Variants in RGS6 observed in about 807,000 individuals in gnomAD.
RGS6 encodes regulator of G protein signaling 6.
Under a neutral mutation model 78.5 loss-of-function variants are expected in RGS6, and 30 were observed. That is an observed-to-expected ratio of 0.38 (90% CI 0.29 to 0.52). The LOEUF is 0.52. Among genes scored for constraint, RGS6 ranks in the 20% least tolerant of loss-of-function variants. The pLI is 0.85. For synonymous variants in RGS6, 206 were observed against 206.0 expected (o/e 1.00, Z 0.00); for missense variants, 495 against 609.7 (o/e 0.81, Z 1.98).
intron 1 of RGS6, among the ~76,000 whole-genome samples, chr14:71,955,771 C>T (rs1459785194): frequency 6.6e-6 from 1 of 152,164 alleles, no homozygotes; most frequent in Non-Finnish European, 1.5e-5. Context: ...GACCTCCAGT[C>T]TCATTCTGTG....
At chr14:72,616,243 G>A in the RGS6 span, among the ~76,000 whole-genome samples, 8 of 152,140 alleles carry the variant, frequency 5.3e-5, no homozygotes, top group South Asian at 4.1e-4. Flanking sequence ...AGTGTTGGTC[G>A]GAAAGTGAGC....
chr14:72,191,345 G>A lies in RGS6; in HGVS notation c.85-160750G>A, dbSNP rs185719860. ...GTGACTTGAGAGGCCACTGCAGCAC[G>A]GCCAGGCCTCAGTGCACTCTCTGGC... On this transcript the variant is annotated intron_variant, in intron 2 of 17. Transcript: ENST00000553525. 4.3e-3 allele frequency among the ~76,000 whole-genome samples: 657 copies of A among 152,274 alleles called. 4 individuals carry two copies. Among genetic ancestry groups the A allele is most frequent in the African/African-American group, 0.014 (573 of 41,548 alleles).
rs150176199 is a variant in RGS6 at position 72,017,878 on chromosome 14, T to C, written c.84+53003T>C. 5.7e-4 allele frequency among the ~76,000 whole-genome samples: 87 copies of C among 152,342 alleles called. 1 individual carries two copies. Among genetic ancestry groups the C allele is most frequent in the Middle Eastern group, 3.4e-3 (1 of 294 alleles). ...TGGTGGTTTGCTGCACACATCATCCTATCGCCTAGGTATTATGCCCAGCAT... is the reference window on the plus strand; with the variant it reads ...TGGTGGTTTGCTGCACACATCATCCCATCGCCTAGGTATTATGCCCAGCAT... On this transcript the variant is annotated intron_variant, in intron 2 of 17. Coordinates refer to ENST00000553525, the MANE Select transcript of RGS6 (RefSeq NM_001204424.2).
At chr14:71,887,989 C>T in the RGS6 span, among the ~76,000 whole-genome samples, 2 of 152,196 alleles carry the variant, frequency 1.3e-5, no homozygotes, top group African/African-American at 4.8e-5. Flanking sequence ...CTCAAGCGGG[C>T]ATCACGGTCC....
At chr14:72,234,740 T>A (rs2050561166) in intron 2 of RGS6, among the ~76,000 whole-genome samples, 1 of 152,108 alleles carries the variant, frequency 6.6e-6, no homozygotes, top group Non-Finnish European at 1.5e-5. Flanking sequence ...ATTGGGCTGA[T>A]TCATCCTTTC....
At chr14:71,910,201 AAAAACAAAAC>A in the RGS6 span, among the ~76,000 whole-genome samples, 6,823 of 150,418 alleles carry the variant, frequency 0.045, 383 homozygotes, top group African/African-American at 0.12. Context: ...AAACAAAAAC[AAAAACAAAAC>A]AAAACAAAAC....
At chr14:71,902,276 C>T in the RGS6 span, among the ~76,000 whole-genome samples, 1 of 152,132 alleles carries the variant, frequency 6.6e-6, no homozygotes, top group African/African-American at 2.4e-5. Context: ...ACATGAGTTG[C>T]CCCACTCACT....
At chr14:72,009,052 C>A (rs1318100132) in intron 2 of RGS6, among the ~76,000 whole-genome samples, 1 of 152,192 alleles carries the variant, frequency 6.6e-6, no homozygotes, top group African/African-American at 2.4e-5. Context: ...GTGTAATGAG[C>A]AACCCTCAGT....
intron 3 of RGS6, among the ~76,000 whole-genome samples, chr14:72,394,989 C>T (rs1030250910): frequency 5.3e-5 from 8 of 152,120 alleles, no homozygotes; most frequent in South Asian, 2.1e-4. Flanking sequence ...TGGCTTCAAC[C>T]GGTCCCTCCG....
rs200940787 is a variant in RGS6, at chr14:71,955,025, TAGGTAGG to T, written c.-20-9746_-20-9740del. Among the ~76,000 whole-genome samples, 7 of 152,234 alleles carry T rather than the reference TAGGTAGG, an allele frequency of 4.6e-5. No homozygotes were observed. The East Asian group carries it at 1.4e-3, about 29-fold the overall frequency. ...ATGTGTTGGGTCATAGGAACTGAGGTAGGTAGGCACTTAGTGTGAGGTTTTACTTAAT... is the reference window on the plus strand; with the variant it reads ...ATGTGTTGGGTCATAGGAACTGAGGTCACTTAGTGTGAGGTTTTACTTAAT... On this transcript the variant is annotated intron_variant, in intron 1 of 17. Coordinates refer to ENST00000553525, the MANE Select transcript of RGS6 (RefSeq NM_001204424.2).
intron 13 of RGS6, among the ~76,000 whole-genome samples, chr14:72,507,582 G>C (rs1266901341): frequency 6.6e-6 from 1 of 152,122 alleles, no homozygotes; most frequent in African/African-American, 2.4e-5. Flanking sequence ...TACATCTACA[G>C]TGACACCCCA....
chr14:71,903,281 G>A, the RGS6 span, among the ~76,000 whole-genome samples: 1 of 152,216 alleles, frequency 6.6e-6, no homozygotes, highest in Admixed American at 6.5e-5. Context: ...TGAGGTCCTT[G>A]AGAACAAGGC....
At chr14:72,309,129 T>A (rs1317389878) in intron 2 of RGS6, among the ~76,000 whole-genome samples, 3 of 152,126 alleles carry the variant, frequency 2.0e-5, no homozygotes, top group African/African-American at 7.2e-5. Flanking sequence ...TCCTTGCAAG[T>A]CTATACAGAA....
At chr14:72,176,763 A>G (rs759599401) in intron 2 of RGS6, among the ~76,000 whole-genome samples, 4 of 152,214 alleles carry the variant, frequency 2.6e-5, no homozygotes, top group Non-Finnish European at 4.4e-5. Context: ...CTGAAAATAT[A>G]AAGTCCACTA....
intron 2 of RGS6, among the ~76,000 whole-genome samples, chr14:71,985,339 G>T (rs1448853097): frequency 6.6e-6 from 1 of 152,164 alleles, no homozygotes; most frequent in Non-Finnish European, 1.5e-5. Context: ...GGCCAGAATG[G>T]TCTCGATCTC....
the RGS6 span, among the ~76,000 whole-genome samples, chr14:72,618,372 GC>G: frequency 6.6e-6 from 1 of 152,218 alleles, no homozygotes; most frequent in Non-Finnish European, 1.5e-5. Flanking sequence ...TGATTGGGCA[GC>G]CTTCGCTCCC....
intron 3 of RGS6, among the ~76,000 whole-genome samples, chr14:72,393,241 C>G (rs12588513): frequency 0.014 from 2,130 of 152,290 alleles, 54 homozygotes; most frequent in African/African-American, 0.049. Context: ...ACTGAGCCAG[C>G]AGCGAAATAT....
chr14:72,268,392 A>C (rs1276602642), intron 2 of RGS6, among the ~76,000 whole-genome samples: 1 of 151,958 alleles, frequency 6.6e-6, no homozygotes, highest in Non-Finnish European at 1.5e-5. Flanking sequence ...CTTCATAGCA[A>C]CTTTTGAATG....
chr14:71,906,791 G>GCATATGCTGAAAAGCATAATACTTATTA, the RGS6 span, among the ~76,000 whole-genome samples: 4 of 151,868 alleles, frequency 2.6e-5, no homozygotes, highest in Admixed American at 6.6e-5. Flanking sequence ...GGTCAGATCA[G>GCATATGCTGAAAAGCATAATACTTATTA]TTTATGCTGA....
Sources: gnomAD v4.1 joint callset for allele counts (sites outside exome capture counted in the v4.1 genomes callset) on GRCh38, gnomAD v4.1.1 for gene constraint, MANE v1.5 for transcripts, NCBI Gene and HGNC (gene_info 2026-07-23, HGNC 2026-07-21) for gene names.